Variants in RFC5 observed in about 807,000 individuals in gnomAD.
RFC5 encodes the protein A1 36 kDa subunit.
A neutral mutation model predicts 44.3 loss-of-function variants in RFC5; 26 were observed. The observed-to-expected ratio is 0.59, with a 90% CI of 0.43 to 0.81. The LOEUF (loss-of-function observed/expected upper bound fraction) is 0.81. Ranked by LOEUF, RFC5 falls within the 40% of genes least tolerant of loss-of-function variation. The pLI, the probability that RFC5 is intolerant of heterozygous loss-of-function variation, is 0.00. For missense variants in RFC5, 328 were observed against 418.6 expected, an observed-to-expected ratio of 0.78 and a Z score of 1.89; for synonymous variants, 155 against 155.2, an observed-to-expected ratio of 1.00 and a Z score of 0.01.
Position 118,031,302 on chromosome 12 carries a change from T to C in RFC5, c.*24T>C, listed in dbSNP as rs747166267. 6.8e-7 allele frequency: 1 copy of C among 1,479,086 alleles called. No homozygotes were observed. Among genetic ancestry groups the C allele is most frequent in the South Asian group, 1.1e-5 (1 of 88,072 alleles). The allele number at this position is 1,479,086 out of a possible 1,614,324, so 91.6% of individuals were successfully genotyped here. A position where few individuals can be genotyped will look rare whatever the true frequency, so the allele number is the denominator to read the frequency against. ...AGATGCTCTGAGGGCCATTCACAAT[T>C]CTCAGGGCTCAGCAGTGATGGGAGA... On this transcript the variant is annotated 3_prime_UTR_variant, in exon 11 of 11. Coordinates refer to ENST00000454402, the MANE Select transcript of RFC5 (RefSeq NM_007370.7).
At chr12:118,022,081 A>T (rs965982448) in intron 4 of RFC5, among the ~76,000 whole-genome samples, 1 of 152,222 alleles carries the variant, frequency 6.6e-6, no homozygotes, top group Non-Finnish European at 1.5e-5. Context: ...GAAGTAGAGA[A>T]GTCTCCTCCA....
chr12:118,028,930 G>A (rs894861085), intron 9 of RFC5, among the ~76,000 whole-genome samples: 10 of 152,190 alleles, frequency 6.6e-5, no homozygotes, highest in Non-Finnish European at 1.5e-4. Flanking sequence ...TCCTTCCACA[G>A]TGGCCAACTG....
At chr12:118,026,736 G>A (rs554058893) in intron 7 of RFC5, among the ~76,000 whole-genome samples, 153 bp from the exon 8 acceptor site, 2 of 152,344 alleles carry the variant, frequency 1.3e-5, no homozygotes, top group East Asian at 1.9e-4. Context: ...TGACTCTTCC[G>A]GTATTGAATA....
chr12:118,038,229 G>T, the RFC5 span: 1 of 1,518,902 alleles, frequency 6.6e-7, no homozygotes, highest in Non-Finnish European at 8.9e-7. Flanking sequence ...ACACACACCA[G>T]GCCACCACTT....
downstream of RFC5, chr12:118,038,118 G>A (rs573021372): frequency 1.4e-5 from 7 of 517,756 alleles, no homozygotes; most frequent in South Asian, 9.9e-5. Context: ...CTTTGGGTTC[G>A]TGTTAAAGTG....
chr12:118,041,129 G>A, the RFC5 span, among the ~76,000 whole-genome samples: 2 of 152,194 alleles, frequency 1.3e-5, no homozygotes, highest in Non-Finnish European at 2.9e-5. Flanking sequence ...CATGTGCACT[G>A]CCTTAGTTTG....
chr12:118,041,134 A>T, the RFC5 span, among the ~76,000 whole-genome samples: 1 of 152,216 alleles, frequency 6.6e-6, no homozygotes, highest in Non-Finnish European at 1.5e-5. Flanking sequence ...GCACTGCCTT[A>T]GTTTGTCTGA....
chr12:118,023,480 T>G (rs1438820714), intron 5 of RFC5, among the ~76,000 whole-genome samples: 439 of 17,024 alleles, frequency 0.026, no homozygotes, highest in African/African-American at 0.028. Flanking sequence ...AGGAGGAGGG[T>G]AGGGGGAGGT....
chr12:118,028,411 G>A (rs1262075940), intron 9 of RFC5, among the ~76,000 whole-genome samples: 1 of 151,694 alleles, frequency 6.6e-6, no homozygotes, highest in Non-Finnish European at 1.5e-5. Context: ...TTTGAACCTG[G>A]GAGGTGGAGG....
rs1046898350 is a variant in RFC5, at chr12:118,032,073, G to A, written c.*795G>A. 4 of 152,144 alleles carry A rather than the reference G, an allele frequency of 2.6e-5. No homozygotes were observed. The highest frequency in any genetic ancestry group is 9.7e-5 in the African/African-American group (4 of 41,428). The allele number at this position is 152,144 out of a possible 1,614,324, so 9.4% of individuals were successfully genotyped here. On this transcript the variant is annotated 3_prime_UTR_variant, in exon 11 of 11. Coordinates refer to ENST00000454402, the MANE Select transcript of RFC5 (RefSeq NM_007370.7). ...GCAATCATGCTGCATTTGTGTTAGT[G>A]TTCTTTATAATAAAAAACAAAGCAG...
intron 10 of RFC5, among the ~76,000 whole-genome samples, 193 bp from the exon 11 acceptor site, chr12:118,030,989 A>G (rs549184825): frequency 6.6e-6 from 1 of 152,322 alleles, no homozygotes; most frequent in South Asian, 2.1e-4. Flanking sequence ...CATCACATTT[A>G]TAAATCAATG....
chr12:118,041,111 T>G, the RFC5 span, among the ~76,000 whole-genome samples: 2 of 152,184 alleles, frequency 1.3e-5, no homozygotes, highest in Non-Finnish European at 2.9e-5. Context: ...TGCCTTCAGA[T>G]GAGGATGCAT....
chr12:118,034,713 T>A (rs1467841941), downstream of RFC5: 1 of 523,688 alleles, frequency 1.9e-6, no homozygotes, highest in Non-Finnish European at 3.4e-6. Flanking sequence ...TGGTTTCCCA[T>A]ATATTATGCA....
intron 1 of RFC5, chr12:118,018,066 C>T: frequency 1.4e-6 from 1 of 699,462 alleles, no homozygotes; most frequent in Non-Finnish European, 2.6e-6. Context: ...AAGTGGAATC[C>T]TACACTATGT....
the RFC5 span, among the ~76,000 whole-genome samples, chr12:118,040,670 A>AG: frequency 6.6e-6 from 1 of 151,002 alleles, no homozygotes; most frequent in African/African-American, 2.4e-5. Flanking sequence ...AAAAAAAAAA[A>AG]GAGGCACTGC....
Position 118,022,337 on chromosome 12 carries a change from C to T in RFC5, c.399C>T (p.Asp133=), listed in dbSNP as rs377396832. The change falls in exon 5 of 11, where the codon GAC becomes GAT. Residue 133 remains aspartate, a synonymous_variant. Coordinates refer to ENST00000454402, the MANE Select transcript of RFC5 (RefSeq NM_007370.7). ...ATGAAGCAGACGCCATGACTCAGGA[C>T]GCCCAGAATGCCTTGAGAAGAGGTA... The part of the protein sequence containing the change: ...ILDEADAMTQ[D]AQNALRRVIE... 61 of 1,613,716 alleles carry T rather than the reference C, an allele frequency of 3.8e-5. No homozygotes were observed. Among genetic ancestry groups the T allele is most frequent in the Admixed American group, 3.5e-4 (21 of 60,010 alleles).
chr12:118,036,379 A>G (rs750136114), downstream of RFC5: 11 of 1,614,096 alleles, frequency 6.8e-6, no homozygotes, highest in African/African-American at 1.3e-4. Flanking sequence ...GGTCCCACAT[A>G]ATCACATTGG....
downstream of RFC5, chr12:118,034,349 A>G: frequency 6.2e-7 from 1 of 1,613,790 alleles, no homozygotes; most frequent in Non-Finnish European, 8.5e-7. Flanking sequence ...GGACGTGGCC[A>G]TCTCTTGTCC....
At position 118,019,529 on chromosome 12, in the gene RFC5, A is replaced by T. The variant is rs2030340573; in HGVS notation, c.131-103A>T. 7.8e-7 allele frequency: 1 copy of T among 1,287,694 alleles called. No individual in the cohort carries two copies. The highest frequency in any genetic ancestry group is 2.3e-5 in the East Asian group (1 of 43,126). The allele number at this position is 1,287,694 out of a possible 1,614,324, so 79.8% of individuals were successfully genotyped here. On this transcript the variant is annotated intron_variant, in intron 2 of 10. Transcript: ENST00000454402. The surrounding 1 kb of genome is among the most constrained non-coding windows in gnomAD (Gnocchi z 4.2). ...CAAGTTGTATCTGCCTCTGATTTGG[A>T]CATTGAATTGGGTTGAAGAGCTTTC...
Sources: allele counts gnomAD v4.1 joint callset (sites outside exome capture counted in the v4.1 genomes callset), GRCh38; gene constraint gnomAD v4.1.1; non-coding constraint Gnocchi (gnomAD v3.1); transcripts MANE v1.5; gene names NCBI Gene and HGNC (gene_info 2026-07-23, HGNC 2026-07-21).